The following CLVS1 variants were observed in gnomAD, a reference collection of about 807,000 sequenced individuals.
The protein encoded by CLVS1 is clavesin-1.
Under a neutral mutation model 33.1 loss-of-function variants are expected in CLVS1, and 10 were observed. The ratio of observed to expected loss-of-function variants is 0.30; its 90% CI spans 0.19 to 0.51. CLVS1 has a LOEUF of 0.51. Ranked by LOEUF, CLVS1 falls within the 20% of genes least tolerant of loss-of-function variation. The pLI is 0.97. For synonymous variants in CLVS1, 163 were observed against 166.1 expected (o/e 0.98, Z 0.14); for missense variants, 343 against 433.4 (o/e 0.79, Z 1.85).
chr8:61,288,286 C>A (rs926657738), intron 1 of CLVS1, 148 bp downstream of exon 1: 4 of 456,028 alleles, frequency 8.8e-6, no homozygotes, highest in Non-Finnish European at 1.8e-5. Context: ...CCCTCCCGCA[C>A]CGCACCCCGC....
At chr8:61,160,408 G>C (rs1042693708) in intron 2 of CLVS1, among the ~76,000 whole-genome samples, 49 of 152,096 alleles carry the variant, frequency 3.2e-4, no homozygotes, top group Non-Finnish European at 6.3e-4. Context: ...GCATCCTCCC[G>C]AAACAAAAAC....
intron 3 of CLVS1, among the ~76,000 whole-genome samples, chr8:61,406,404 T>C (rs997599805): frequency 2.6e-5 from 4 of 152,240 alleles, no homozygotes; most frequent in Admixed American, 6.5e-5. Context: ...AAGAAAGCTC[T>C]TCTTTTTAAA....
At position 61,122,950 on chromosome 8, in the gene CLVS1, A is replaced by AC. The variant is rs113720594; in HGVS notation, c.-242-8819dup. Among the ~76,000 whole-genome samples, 152 of 144,176 alleles carry AC rather than the reference A, an allele frequency of 1.1e-3. 19 individuals are homozygous for AC. The highest frequency in any genetic ancestry group is 3.3e-3 in the African/African-American group (131 of 39,752). The allele number at this position is 144,176 out of a possible 152,430, so 94.6% of individuals were successfully genotyped here. On this transcript the variant is annotated intron_variant, in intron 1 of 2. Coordinates refer to the CLVS1 transcript ENST00000522621. Reference sequence around the variant, plus strand: ...GCATGCTTTTTATAAACTGGTAAAAACAAAAGAGTTATCTACTGCTTTAAA... The same window carrying AC: ...GCATGCTTTTTATAAACTGGTAAAAACCAAAAGAGTTATCTACTGCTTTAAA...
the CLVS1 span, among the ~76,000 whole-genome samples, chr8:60,984,198 T>C: frequency 9.9e-5 from 15 of 152,222 alleles, no homozygotes; most frequent in African/African-American, 3.4e-4. Context: ...TTTCCACCTG[T>C]GTGTAGCTTC....
chr8:60,969,395 C>A, the CLVS1 span, among the ~76,000 whole-genome samples: 2 of 152,158 alleles, frequency 1.3e-5, no homozygotes, highest in African/African-American at 4.8e-5. Context: ...TGACTTAACC[C>A]TTGCCTAGCA....
intron 2 of CLVS1, among the ~76,000 whole-genome samples, chr8:61,174,926 A>AAG (rs1431256253): frequency 1.1e-5 from 1 of 89,040 alleles, no homozygotes; most frequent in Non-Finnish European, 2.4e-5. Flanking sequence ...TTCTGTCTAT[A>AAG]AGAGCTGTTT....
intron 2 of CLVS1, among the ~76,000 whole-genome samples, chr8:61,238,719 GT>G (rs1808624263): frequency 6.6e-6 from 1 of 152,172 alleles, no homozygotes; most frequent in Non-Finnish European, 1.5e-5. Flanking sequence ...ATATTTTACT[GT>G]GTGCAATTTT....
intron 2 of CLVS1, among the ~76,000 whole-genome samples, chr8:61,334,321 A>G (rs1811706029): frequency 6.6e-6 from 1 of 152,188 alleles, no homozygotes; most frequent in Admixed American, 6.5e-5. Context: ...ATCAGTGGGT[A>G]TTGATCAGTG....
At chr8:61,221,744 G>A (rs1030956426) in intron 2 of CLVS1, among the ~76,000 whole-genome samples, 4 of 152,178 alleles carry the variant, frequency 2.6e-5, no homozygotes, top group African/African-American at 9.7e-5. Context: ...GTTTGGAATA[G>A]TTTCAGAACC....
chr8:61,024,152 G>T, the CLVS1 span, among the ~76,000 whole-genome samples: 2 of 152,144 alleles, frequency 1.3e-5, no homozygotes, highest in Non-Finnish European at 2.9e-5. Flanking sequence ...GATAAATTTT[G>T]TCATGTGTTA....
At chr8:61,013,935 C>T in the CLVS1 span, among the ~76,000 whole-genome samples, 1 of 151,846 alleles carries the variant, frequency 6.6e-6, no homozygotes. Flanking sequence ...TTGTAGCAGA[C>T]AGGCCTCGGG....
intron 2 of CLVS1, among the ~76,000 whole-genome samples, chr8:61,222,244 T>G (rs1242513234): frequency 6.6e-6 from 1 of 152,164 alleles, no homozygotes; most frequent in African/African-American, 2.4e-5. Flanking sequence ...TGTTTGCTCT[T>G]GCCTCTCTAG....
intron 2 of CLVS1, among the ~76,000 whole-genome samples, chr8:61,154,483 C>A (rs1410451978): frequency 6.6e-6 from 1 of 152,092 alleles, no homozygotes; most frequent in Non-Finnish European, 1.5e-5. Context: ...AAAAAATGTT[C>A]TGTTTTAATG....
At chr8:61,058,795 A>G (rs987259775) in intron 1 of CLVS1, among the ~76,000 whole-genome samples, 1 of 151,896 alleles carries the variant, frequency 6.6e-6, no homozygotes, top group Non-Finnish European at 1.5e-5. Context: ...TATATAGTGT[A>G]TATTCTTTTT....
At chr8:61,248,601 C>G (rs1424188628) in intron 2 of CLVS1, among the ~76,000 whole-genome samples, 1 of 151,352 alleles carries the variant, frequency 6.6e-6, no homozygotes, top group African/African-American at 2.4e-5. Flanking sequence ...GTTAAAAATA[C>G]TTTTTTGAGA....
At chr8:60,998,987 A>G in the CLVS1 span, among the ~76,000 whole-genome samples, 5 of 152,166 alleles carry the variant, frequency 3.3e-5, no homozygotes, top group Non-Finnish European at 7.4e-5. Flanking sequence ...TACAGCCCAG[A>G]GTGGTTTGAG....
At chr8:61,442,270 C>T (rs773493819) in intron 3 of CLVS1, among the ~76,000 whole-genome samples, 1 of 152,104 alleles carries the variant, frequency 6.6e-6, no homozygotes, top group East Asian at 1.9e-4. Flanking sequence ...TTGTAGATAT[C>T]GACAGTTTGT....
chr8:61,389,915 C>T (rs1357326108), intron 3 of CLVS1, among the ~76,000 whole-genome samples: 7 of 151,964 alleles, frequency 4.6e-5, no homozygotes, highest in Admixed American at 2.0e-4. Context: ...TGAGGGTTTA[C>T]GAGAGTAAAA....
chr8:61,300,883 G>A (rs1191406430), intron 2 of CLVS1: 2 of 152,228 alleles, frequency 1.3e-5, no homozygotes, highest in African/African-American at 4.8e-5. Flanking sequence ...ACTGCCCCTT[G>A]CTTTGGTCTT....
Sources: allele counts gnomAD v4.1 joint callset (sites outside exome capture counted in the v4.1 genomes callset), GRCh38; gene constraint gnomAD v4.1.1; transcripts MANE v1.5; gene names NCBI Gene and HGNC (gene_info 2026-07-23, HGNC 2026-07-21).